SHISA9: variants seen among roughly 807,000 people sequenced by gnomAD.
The protein encoded by SHISA9 is shisa family member 9, also known as protein shisa-9.
In SHISA9, 13 loss-of-function variants were observed where a neutral mutation model predicts 38.0. The ratio of observed to expected loss-of-function variants is 0.34; its 90% CI spans 0.22 to 0.54. SHISA9 has a LOEUF of 0.54. Among genes scored for constraint, SHISA9 ranks in the 20% least tolerant of loss-of-function variants. The pLI is 0.91. For missense variants in SHISA9, 538 were observed against 575.8 expected, an observed-to-expected ratio of 0.93 and a Z score of 0.67; for synonymous variants, 275 against 242.0, an observed-to-expected ratio of 1.14 and a Z score of -1.27.
the SHISA9 span, among the ~76,000 whole-genome samples, chr16:13,398,588 C>T: frequency 4.6e-5 from 7 of 151,690 alleles, no homozygotes; most frequent in Non-Finnish European, 7.4e-5. Context: ...GCAACCTCCG[C>T]CCCCCACCCC....
chr16:13,294,759 T>C, the SHISA9 span, among the ~76,000 whole-genome samples: 1 of 152,292 alleles, frequency 6.6e-6, no homozygotes, highest in Non-Finnish European at 1.5e-5. Context: ...CTTACAGAGT[T>C]CAGGCAGCAA....
chr16:13,296,075 A>C, the SHISA9 span, among the ~76,000 whole-genome samples: 2 of 152,114 alleles, frequency 1.3e-5, no homozygotes, highest in African/African-American at 4.8e-5. Flanking sequence ...GTTAATCTCA[A>C]TTGTCACTCT....
chr16:13,232,157 G>A (rs901986078), intron 4 of SHISA9, among the ~76,000 whole-genome samples: 1 of 152,222 alleles, frequency 6.6e-6, no homozygotes, highest in African/African-American at 2.4e-5. Flanking sequence ...AAGTTCACAT[G>A]TGTGACACTG....
At chr16:13,116,307 G>T (rs2074030387) in intron 2 of SHISA9, among the ~76,000 whole-genome samples, 1 of 152,150 alleles carries the variant, frequency 6.6e-6, no homozygotes, top group Admixed American at 6.5e-5. Flanking sequence ...AGTGCCCCAG[G>T]TTCTCATTCA....
chr16:13,041,708 C>A (rs892117542), intron 2 of SHISA9, among the ~76,000 whole-genome samples: 9 of 152,162 alleles, frequency 5.9e-5, no homozygotes, highest in African/African-American at 2.2e-4. Context: ...ATGCCAGAGC[C>A]GTGCCTGGGC....
the SHISA9 span, among the ~76,000 whole-genome samples, chr16:13,420,225 AAC>A: frequency 0.021 from 2,684 of 128,600 alleles, 112 homozygotes; most frequent in African/African-American, 0.073. Context: ...CAGCCTGGGC[AAC>A]AGAGTGAGAA....
the SHISA9 span, among the ~76,000 whole-genome samples, chr16:13,431,867 C>G: frequency 6.6e-6 from 1 of 152,110 alleles, no homozygotes; most frequent in South Asian, 2.1e-4. Flanking sequence ...TCGAGACCAG[C>G]CTGGCCAACA....
chr16:13,292,575 A>G, the SHISA9 span, among the ~76,000 whole-genome samples: 2 of 152,044 alleles, frequency 1.3e-5, no homozygotes, highest in African/African-American at 4.8e-5. Flanking sequence ...AGTAGCCTCC[A>G]TCATGTAATC....
intron 2 of SHISA9, among the ~76,000 whole-genome samples, chr16:12,995,836 A>T (rs920321112): frequency 8.5e-5 from 13 of 152,204 alleles, no homozygotes; most frequent in Non-Finnish European, 2.9e-5. Flanking sequence ...TGAGGTCAAG[A>T]TGCGTGTACG....
rs1392827453 is a variant in SHISA9 at position 13,059,007 on chromosome 16, A to C, written c.691+142192A>C. 5.9e-5 allele frequency among the ~76,000 whole-genome samples: 9 copies of C among 152,142 alleles called. 1 individual carries two copies. Among genetic ancestry groups the C allele is most frequent in the Non-Finnish European group, 4.4e-5 (3 of 68,034 alleles). ...TATTAACCAGTAAGACATTCTTAGA[A>C]TAATTAGGAATTGAATGGTGTGTTC... On this transcript the variant is annotated intron_variant, in intron 2 of 4. Transcript: ENST00000558583.
chr16:13,324,373 T>C, the SHISA9 span, among the ~76,000 whole-genome samples: 1 of 152,114 alleles, frequency 6.6e-6, no homozygotes, highest in Non-Finnish European at 1.5e-5. Context: ...TGGTAAATAG[T>C]TACCTCCAGG....
downstream of SHISA9, among the ~76,000 whole-genome samples, chr16:13,244,932 T>G (rs2051461074): frequency 6.6e-6 from 1 of 152,214 alleles, no homozygotes; most frequent in South Asian, 2.1e-4. Context: ...TTACTTACTT[T>G]TGAGACAGGA....
the SHISA9 span, among the ~76,000 whole-genome samples, chr16:13,433,894 G>C: frequency 9.9e-5 from 15 of 152,116 alleles, no homozygotes; most frequent in African/African-American, 3.4e-4. Flanking sequence ...TATTAGTCAG[G>C]GTTCCCTAGA....
At chr16:13,202,989 A>G (rs553086995) in intron 2 of SHISA9, among the ~76,000 whole-genome samples, 1 of 152,248 alleles carries the variant, frequency 6.6e-6, no homozygotes, top group Admixed American at 6.5e-5. Flanking sequence ...CATGTCCTTC[A>G]ATCCCTTTAA....
chr16:13,410,055 G>A, the SHISA9 span, among the ~76,000 whole-genome samples: 28 of 152,212 alleles, frequency 1.8e-4, no homozygotes, highest in African/African-American at 5.3e-4. Flanking sequence ...TAGTAGCATG[G>A]AAGATGGGAT....
the SHISA9 span, among the ~76,000 whole-genome samples, chr16:13,273,386 A>G: frequency 1.3e-5 from 2 of 152,056 alleles, no homozygotes; most frequent in Non-Finnish European, 1.5e-5. Context: ...GTGGGAGGTA[A>G]TTGAATCATG....
At chr16:13,383,407 TAATAAA>T in the SHISA9 span, among the ~76,000 whole-genome samples, 2 of 152,178 alleles carry the variant, frequency 1.3e-5, no homozygotes, top group African/African-American at 4.8e-5. Context: ...CATATATCCT[TAATAAA>T]AATATGGGGG....
intron 2 of SHISA9, among the ~76,000 whole-genome samples, chr16:12,932,630 A>C (rs1019642197): frequency 1.3e-5 from 2 of 152,330 alleles, no homozygotes; most frequent in South Asian, 2.1e-4. Context: ...GGTGTGAGCC[A>C]CTGTGCCTGC....
At chr16:13,085,839 C>T in intron 2 of SHISA9, among the ~76,000 whole-genome samples, 1 of 152,108 alleles carries the variant, frequency 6.6e-6, no homozygotes, top group Non-Finnish European at 1.5e-5. Context: ...GGTAATTAGG[C>T]ATCTCACATG....
Sources: gnomAD v4.1 joint callset for allele counts (sites outside exome capture counted in the v4.1 genomes callset) on GRCh38, gnomAD v4.1.1 for gene constraint, MANE v1.5 for transcripts, NCBI Gene and HGNC (gene_info 2026-07-23, HGNC 2026-07-21) for gene names.